The following UBTD1 variants were observed in gnomAD, a reference collection of about 807,000 sequenced individuals.
UBTD1 encodes ubiquitin domain-containing protein 1.
UBTD1 carries 19 observed loss-of-function variants against 21.7 expected under a neutral mutation model. The observed-to-expected ratio is 0.87, with a 90% CI of 0.61 to 1.28. The LOEUF is 1.28. UBTD1 is among the 50% of genes most tolerant of loss of function. UBTD1 has a pLI of 0.00. For missense variants in UBTD1, 282 were observed against 315.1 expected, an observed-to-expected ratio of 0.89 and a Z score of 0.80; for synonymous variants, 116 against 135.1, an observed-to-expected ratio of 0.86 and a Z score of 0.98.
At chr10:97,569,102 C>T (rs996848714) in intron 2 of UBTD1, among the ~76,000 whole-genome samples, 2 of 152,236 alleles carry the variant, frequency 1.3e-5, no homozygotes, top group African/African-American at 2.4e-5. Context: ...GGATTACAGG[C>T]GTGAGCCACT....
At chr10:97,542,596 G>T (rs190468318) in intron 1 of UBTD1, among the ~76,000 whole-genome samples, 1 of 152,206 alleles carries the variant, frequency 6.6e-6, no homozygotes, top group Non-Finnish European at 1.5e-5. Context: ...GCTGAGTTTA[G>T]TCAGGAGGCG....
At chr10:97,523,079 C>T (rs1330427014) in intron 1 of UBTD1, among the ~76,000 whole-genome samples, 12 of 152,226 alleles carry the variant, frequency 7.9e-5, no homozygotes, top group South Asian at 2.1e-4. Flanking sequence ...CCTTCCTCTT[C>T]GGGCTGTGCA....
chr10:97,564,207 T>A (rs1032581904), intron 1 of UBTD1, among the ~76,000 whole-genome samples: 4 of 152,190 alleles, frequency 2.6e-5, no homozygotes, highest in African/African-American at 9.7e-5. Context: ...GCGAGTTTCC[T>A]GTCTAGCCTG....
At chr10:97,515,806 T>G (rs1486084175) in intron 1 of UBTD1, among the ~76,000 whole-genome samples, 1 of 152,128 alleles carries the variant, frequency 6.6e-6, no homozygotes, top group Non-Finnish European at 1.5e-5. Context: ...GGGTCACATC[T>G]CTACCCTCAG....
chr10:97,542,366 G>A (rs80007213), intron 1 of UBTD1, among the ~76,000 whole-genome samples: 4,003 of 152,352 alleles, frequency 0.026, 166 homozygotes, highest in African/African-American at 0.087. Flanking sequence ...GATGAGTCAG[G>A]TTTTTCCCTT....
chr10:97,547,117 G>C (rs930316105), intron 1 of UBTD1, among the ~76,000 whole-genome samples: 1 of 152,202 alleles, frequency 6.6e-6, no homozygotes, highest in Non-Finnish European at 1.5e-5. Flanking sequence ...AGCGCTCGTG[G>C]CAGTTGACAC....
chr10:97,523,731 C>G (rs1312257426), intron 1 of UBTD1, among the ~76,000 whole-genome samples: 1 of 151,928 alleles, frequency 6.6e-6, no homozygotes, highest in Non-Finnish European at 1.5e-5. Context: ...GTCTTTGTAC[C>G]TTCTTTGGGT....
intron 1 of UBTD1, among the ~76,000 whole-genome samples, chr10:97,528,429 C>T (rs1425482702): frequency 2.8e-3 from 180 of 64,418 alleles, no homozygotes; most frequent in Non-Finnish European, 4.3e-3. Flanking sequence ...CCGGACGGGG[C>T]GGCTGGCCGG....
chr10:97,509,272 G>T (rs974085397), intron 1 of UBTD1, among the ~76,000 whole-genome samples: 1 of 152,202 alleles, frequency 6.6e-6, no homozygotes, highest in Non-Finnish European at 1.5e-5. Context: ...TGAATAAGTG[G>T]CAGAAATCAT....
chr10:97,544,951 A>C (rs748108011), intron 1 of UBTD1, among the ~76,000 whole-genome samples: 3 of 152,078 alleles, frequency 2.0e-5, no homozygotes, highest in Non-Finnish European at 2.9e-5. Context: ...GAGGAAAGGG[A>C]GGGGTTGGTC....
At chr10:97,522,573 G>C (rs1273054739) in intron 1 of UBTD1, among the ~76,000 whole-genome samples, 2 of 152,206 alleles carry the variant, frequency 1.3e-5, no homozygotes, top group Non-Finnish European at 2.9e-5. Context: ...TTTGTGGCCA[G>C]GCAGGAAACA....
intron 1 of UBTD1, among the ~76,000 whole-genome samples, chr10:97,552,455 G>C (rs2040644210): frequency 7.0e-6 from 1 of 142,152 alleles, no homozygotes. Flanking sequence ...GAGTGCAGTG[G>C]TGCAATCTTG....
At chr10:97,547,901 GAA>G (rs1554867090) in intron 1 of UBTD1, among the ~76,000 whole-genome samples, 2 of 43,420 alleles carry the variant, frequency 4.6e-5, no homozygotes, top group Non-Finnish European at 1.0e-4. Flanking sequence ...GCAACTTTAT[GAA>G]AAAAAAAAAA....
intron 1 of UBTD1, among the ~76,000 whole-genome samples, chr10:97,538,593 G>A (rs1270909419): frequency 6.6e-6 from 1 of 152,176 alleles, no homozygotes; most frequent in Non-Finnish European, 1.5e-5. Flanking sequence ...TGCCATGCTC[G>A]TCTGGACGTC....
chr10:97,528,207 G>T (rs2040501490), intron 1 of UBTD1, among the ~76,000 whole-genome samples: 1 of 99,806 alleles, frequency 1.0e-5, no homozygotes, highest in Non-Finnish European at 2.3e-5. Context: ...GGACGGGGCG[G>T]CTGGCCGGGC....
chr10:97,530,744 A>G (rs1409000645), intron 1 of UBTD1, among the ~76,000 whole-genome samples: 1 of 152,124 alleles, frequency 6.6e-6, no homozygotes, highest in African/African-American at 2.4e-5. Context: ...TCTCAGCAAT[A>G]TGAATGCTAA....
intron 1 of UBTD1, among the ~76,000 whole-genome samples, chr10:97,544,376 A>G (rs2040599591): frequency 6.6e-6 from 1 of 152,038 alleles, no homozygotes; most frequent in Admixed American, 6.6e-5. Context: ...AGATAACTCC[A>G]CTGAAGAGGC....
At chr10:97,518,085 A>G (rs577249679) in intron 1 of UBTD1, among the ~76,000 whole-genome samples, 1 of 152,282 alleles carries the variant, frequency 6.6e-6, no homozygotes, top group African/African-American at 2.4e-5. Flanking sequence ...CACTTGTTTC[A>G]AAGATGCCAG....
chr10:97,541,346 A>G (rs761035420), intron 1 of UBTD1, among the ~76,000 whole-genome samples: 12 of 152,010 alleles, frequency 7.9e-5, no homozygotes, highest in Non-Finnish European at 1.8e-4. Flanking sequence ...GCGTGGTGGT[A>G]TGTGCCTGTA....
Sources: allele counts gnomAD v4.1 joint callset (sites outside exome capture counted in the v4.1 genomes callset), GRCh38; gene constraint gnomAD v4.1.1; transcripts MANE v1.5; gene names NCBI Gene and HGNC (gene_info 2026-07-23, HGNC 2026-07-21).